MAF: variants seen among roughly 807,000 people sequenced by gnomAD.
MAF encodes the protein transcription factor Maf.
A neutral mutation model predicts 22.0 loss-of-function variants in MAF; 10 were observed. That is an observed-to-expected ratio of 0.45 (90% confidence interval 0.28 to 0.77). The LOEUF (loss-of-function observed/expected upper bound fraction) is 0.77. MAF is among the 30% of genes least tolerant of loss of function. MAF has a pLI of 0.12. For missense variants in MAF, 544 were observed against 548.4 expected (o/e 0.99, Z 0.08); for synonymous variants, 337 against 255.8 (o/e 1.32, Z -3.03).
the MAF span, among the ~76,000 whole-genome samples, chr16:79,492,092 A>G: frequency 6.6e-6 from 1 of 152,218 alleles, no homozygotes; most frequent in Non-Finnish European, 1.5e-5. Context: ...GAGCCTATCT[A>G]ATAATAAAAC....
the MAF span, among the ~76,000 whole-genome samples, chr16:79,404,634 T>A: frequency 7.6e-6 from 1 of 131,654 alleles, no homozygotes; most frequent in Admixed American, 8.4e-5. Context: ...CTCCTTTTTT[T>A]TAAATTTTTT....
the MAF span, chr16:79,206,781 G>C: frequency 6.6e-6 from 1 of 152,128 alleles, no homozygotes; most frequent in Non-Finnish European, 1.5e-5. Flanking sequence ...GAAGAAGAGG[G>C]TGACTTACTG....
the MAF span, among the ~76,000 whole-genome samples, chr16:79,338,368 T>G: frequency 6.6e-6 from 1 of 152,184 alleles, no homozygotes; most frequent in African/African-American, 2.4e-5. Flanking sequence ...TATCAAGTAT[T>G]ATTCTGTAAG....
At chr16:79,464,923 A>T in the MAF span, among the ~76,000 whole-genome samples, 74 of 152,320 alleles carry the variant, frequency 4.9e-4, no homozygotes, top group African/African-American at 1.6e-3. Context: ...GTTCAAGGAG[A>T]TGATACAGAA....
chr16:79,257,471 C>A, the MAF span, among the ~76,000 whole-genome samples: 1 of 152,146 alleles, frequency 6.6e-6, no homozygotes, highest in Admixed American at 6.5e-5. Flanking sequence ...ACAGAAAAGG[C>A]CATAATGTCT....
the MAF span, among the ~76,000 whole-genome samples, chr16:79,333,058 C>A: frequency 2.0e-5 from 3 of 152,224 alleles, no homozygotes; most frequent in Non-Finnish European, 1.5e-5. Context: ...CAGGAATAGC[C>A]TGAAGAGAGT....
the MAF span, among the ~76,000 whole-genome samples, chr16:79,431,486 T>G: frequency 6.6e-6 from 1 of 152,222 alleles, no homozygotes; most frequent in South Asian, 2.1e-4. Context: ...ATTAAGTATT[T>G]AAATATTCCT....
At chr16:79,428,212 ACCT>A in the MAF span, among the ~76,000 whole-genome samples, 1 of 150,642 alleles carries the variant, frequency 6.6e-6, no homozygotes, top group Non-Finnish European at 1.5e-5. Flanking sequence ...AGCTACCCTC[ACCT>A]CCTCCACCTG....
At chr16:79,562,333 A>C in the MAF span, among the ~76,000 whole-genome samples, 1 of 152,324 alleles carries the variant, frequency 6.6e-6, no homozygotes, top group African/African-American at 2.4e-5. Flanking sequence ...TAGTCCCAGC[A>C]TCTCACTGCC....
chr16:79,247,484 C>G, the MAF span, among the ~76,000 whole-genome samples: 1 of 152,278 alleles, frequency 6.6e-6, no homozygotes, highest in South Asian at 2.1e-4. Flanking sequence ...CAGCCTGATT[C>G]AGTAACTGAC....
At chr16:79,528,490 C>T in the MAF span, among the ~76,000 whole-genome samples, 1 of 152,024 alleles carries the variant, frequency 6.6e-6, no homozygotes, top group East Asian at 1.9e-4. Context: ...AAAAACTGAG[C>T]AAGGCATGGC....
chr16:79,296,079 G>A, the MAF span, among the ~76,000 whole-genome samples: 14 of 152,212 alleles, frequency 9.2e-5, no homozygotes, highest in Non-Finnish European at 1.6e-4. Flanking sequence ...AAAGAAAGTC[G>A]AAAGCTGATT....
chr16:79,206,563 A>AT, the MAF span: 1 of 152,184 alleles, frequency 6.6e-6, no homozygotes, highest in Admixed American at 6.5e-5. Context: ...ACCTCTCAAT[A>AT]AATGCTAGTC....
the MAF span, chr16:79,205,451 C>T: frequency 5.9e-5 from 9 of 152,134 alleles, no homozygotes; most frequent in Non-Finnish European, 1.2e-4. Flanking sequence ...ACACATTGTC[C>T]ACGTCTAATT....
the MAF span, among the ~76,000 whole-genome samples, chr16:79,453,724 T>C: frequency 1.3e-5 from 2 of 152,236 alleles, no homozygotes; most frequent in Admixed American, 6.5e-5. Context: ...GAGGGTGATT[T>C]GAACAGCACC....
At chr16:79,409,416 C>T in the MAF span, among the ~76,000 whole-genome samples, 1 of 152,210 alleles carries the variant, frequency 6.6e-6, no homozygotes, top group African/African-American at 2.4e-5. Flanking sequence ...TGAGAGACAT[C>T]TGTGTTTCTG....
At chr16:79,205,142 A>G in the MAF span, 1 of 152,232 alleles carries the variant, frequency 6.6e-6, no homozygotes, top group Admixed American at 6.5e-5. Flanking sequence ...CCTGTCATTT[A>G]AAAGCTGCAT....
the MAF span, among the ~76,000 whole-genome samples, chr16:79,454,455 C>T: frequency 2.6e-5 from 4 of 152,140 alleles, no homozygotes; most frequent in Admixed American, 2.6e-4. Flanking sequence ...GACACCATTC[C>T]ATCCAACCCA....
At chr16:79,583,960 G>T (rs1258534324), downstream of MAF, among the ~76,000 whole-genome samples, 9 of 152,194 alleles carry the variant, frequency 5.9e-5, no homozygotes, top group South Asian at 4.1e-4. Flanking sequence ...ATGTGCGTAT[G>T]TTAAGCTGTA....
Sources: gnomAD v4.1 joint callset for allele counts (sites outside exome capture counted in the v4.1 genomes callset) on GRCh38, gnomAD v4.1.1 for gene constraint, MANE v1.5 for transcripts, NCBI Gene and HGNC (gene_info 2026-07-23, HGNC 2026-07-21) for gene names.